Variants in TM6SF1 observed in about 807,000 individuals in gnomAD.
TM6SF1 encodes transmembrane 6 superfamily member 1.
In TM6SF1, 43 loss-of-function variants were observed where a neutral mutation model predicts 47.1. The ratio of observed to expected loss-of-function variants is 0.91; its 90% CI spans 0.72 to 1.18. The LOEUF (loss-of-function observed/expected upper bound fraction) is 1.18, where lower values mean the gene tolerates loss of function less well. TM6SF1 is among the 50% of genes most tolerant of loss of function. TM6SF1 has a pLI of 0.00. For missense variants in TM6SF1, 390 were observed against 449.0 expected, an observed-to-expected ratio of 0.87 and a Z score of 1.19; for synonymous variants, 177 against 166.3, an observed-to-expected ratio of 1.06 and a Z score of -0.49.
chr15:83,125,815 A>T (rs1255928840), intron 7 of TM6SF1, among the ~76,000 whole-genome samples: 1 of 152,214 alleles, frequency 6.6e-6, no homozygotes, highest in Non-Finnish European at 1.5e-5. Flanking sequence ...GGCTGGGTTC[A>T]GGGTGAGAAG....
rs199774325 is a variant in TM6SF1 at position 83,136,710 on chromosome 15, C to T, written c.*38C>T. ...ATGTTCCTCCTTTCTAAATTACTAA[C>T]TTTTGTTATACTGGTACTGATATTT... On this transcript the variant is annotated 3_prime_UTR_variant, in exon 10 of 10. Transcript: ENST00000322019. 78 of 1,534,534 alleles carry T rather than the reference C, an allele frequency of 5.1e-5. No homozygotes were observed. The African/African-American group carries it at 1.0e-3, about 20-fold the overall frequency.
At chr15:83,108,962 G>A in intron 1 of TM6SF1, among the ~76,000 whole-genome samples, 1 of 152,164 alleles carries the variant, frequency 6.6e-6, no homozygotes, top group Non-Finnish European at 1.5e-5. Flanking sequence ...TATAGTGCAT[G>A]GGGGACCCTG....
At chr15:83,130,254 A>C (rs895791390) in intron 9 of TM6SF1, 2 of 152,264 alleles carry the variant, frequency 1.3e-5, no homozygotes, top group Non-Finnish European at 2.9e-5. Flanking sequence ...AGCTTAGAGG[A>C]AAATGGGTGT....
intron 1 of TM6SF1, among the ~76,000 whole-genome samples, chr15:83,111,118 C>T (rs934513978): frequency 6.6e-6 from 1 of 152,136 alleles, no homozygotes; most frequent in Non-Finnish European, 1.5e-5. Context: ...GTGATCCACC[C>T]GCCTCGACCT....
At chr15:83,122,931 C>G in intron 6 of TM6SF1, 53 bp downstream of exon 6, 1 of 1,599,836 alleles carries the variant, frequency 6.3e-7, no homozygotes, top group Non-Finnish European at 8.5e-7. Flanking sequence ...AGGGTTCTTT[C>G]GCATCCACTG....
At chr15:83,125,669 T>C (rs2035677416) in intron 7 of TM6SF1, among the ~76,000 whole-genome samples, 1 of 152,252 alleles carries the variant, frequency 6.6e-6, no homozygotes. Context: ...TTGTTAATTA[T>C]ATTCAGCTTC....
intron 9 of TM6SF1, chr15:83,136,045 A>T (rs1274569148): frequency 6.5e-6 from 1 of 153,582 alleles, no homozygotes; most frequent in Non-Finnish European, 1.4e-5. Context: ...TTTGTTTTTT[A>T]AAACTCTGCG....
chr15:83,110,993 C>A (rs935840779), intron 1 of TM6SF1, among the ~76,000 whole-genome samples: 1 of 152,186 alleles, frequency 6.6e-6, no homozygotes, highest in African/African-American at 2.4e-5. Flanking sequence ...GCCTCAGCCT[C>A]CCAAGTAGCG....
intron 5 of TM6SF1, among the ~76,000 whole-genome samples, chr15:83,122,410 G>GAT (rs886102227): frequency 4.6e-5 from 7 of 152,038 alleles, no homozygotes; most frequent in African/African-American, 1.7e-4. Flanking sequence ...TAGATAGATA[G>GAT]ATAGATATAG....
intron 4 of TM6SF1, among the ~76,000 whole-genome samples, chr15:83,120,657 G>A (rs1368731136): frequency 7.3e-6 from 1 of 137,752 alleles, no homozygotes; most frequent in South Asian, 2.4e-4. Flanking sequence ...TGCAATCTCC[G>A]CCTCCCAGGT....
At chr15:83,123,306 C>T (rs538221064) in intron 6 of TM6SF1, among the ~76,000 whole-genome samples, 2 of 152,266 alleles carry the variant, frequency 1.3e-5, no homozygotes, top group Admixed American at 6.5e-5. Flanking sequence ...GTCTACACAG[C>T]CATACAATCT....
Position 83,136,474 on chromosome 15 carries a change from G to T in TM6SF1, c.922-7G>T, listed in dbSNP as rs1411756113. On this transcript the variant is annotated splice_region_variant and splice_polypyrimidine_tract_variant and intron_variant, in intron 9 of 9. Transcript: ENST00000322019. ...CTTACTCAATTTTTTTTTTTTAAAT[G>T]CAACAGGCTCAGTTTTCTCACATTG... is the stretch of plus-strand genomic sequence containing the variant. 4 of 1,563,026 alleles carry T rather than the reference G, an allele frequency of 2.6e-6. No homozygotes were observed. The highest frequency in any genetic ancestry group is 2.1e-5 in the Admixed American group (1 of 47,100).
At chr15:83,111,188 A>G (rs1372093834) in intron 1 of TM6SF1, among the ~76,000 whole-genome samples, 1 of 152,046 alleles carries the variant, frequency 6.6e-6, no homozygotes, top group Non-Finnish European at 1.5e-5. Context: ...TTATCATAGA[A>G]TTGATCCATC....
intron 4 of TM6SF1, among the ~76,000 whole-genome samples, chr15:83,121,606 A>G (rs1213638061): frequency 6.6e-6 from 1 of 152,118 alleles, no homozygotes; most frequent in Non-Finnish European, 1.5e-5. Context: ...TTTTCCTTTC[A>G]TGCTGTTGAG....
In TM6SF1 at chr15:83,119,575, T is replaced by C; in HGVS notation, c.295-3T>C. ...GTGGACTTCTTTTTAATGCTTTCTT[T>C]AGGGTGAACCGTATCTGAACACCGC... On this transcript the variant is annotated splice_polypyrimidine_tract_variant and splice_region_variant and intron_variant, in intron 3 of 9. Coordinates refer to ENST00000322019, the MANE Select transcript of TM6SF1 (RefSeq NM_023003.5). 1.2e-6 allele frequency: 2 copies of C among 1,613,988 alleles called. No individual in the cohort carries two copies. Among genetic ancestry groups the C allele is most frequent in the Non-Finnish European group, 1.7e-6 (2 of 1,179,916 alleles).
intron 2 of TM6SF1, chr15:83,115,604 C>T (rs931760908): frequency 1.5e-6 from 1 of 648,838 alleles, no homozygotes; most frequent in Admixed American, 2.1e-5. Context: ...CCATCATTCT[C>T]CACTCCTGTG....
intron 2 of TM6SF1, chr15:83,113,411 T>C (rs1783041153): frequency 6.5e-6 from 1 of 154,896 alleles, no homozygotes; most frequent in African/African-American, 2.4e-5. Context: ...CACTTGAAAG[T>C]GAAGCAGCTG....
At chr15:83,120,997 G>T (rs1190067853) in intron 4 of TM6SF1, among the ~76,000 whole-genome samples, 1 of 152,150 alleles carries the variant, frequency 6.6e-6, no homozygotes, top group Non-Finnish European at 1.5e-5. Flanking sequence ...TCCCTTCAGA[G>T]AATTTCCTTT....
At chr15:83,123,955 A>G (rs1333385459) in intron 6 of TM6SF1, among the ~76,000 whole-genome samples, 1 of 145,060 alleles carries the variant, frequency 6.9e-6, no homozygotes, top group Non-Finnish European at 1.5e-5. Flanking sequence ...ATCAACCTTA[A>G]TAATTCTGGA....
Sources: gnomAD v4.1 joint callset for allele counts (sites outside exome capture counted in the v4.1 genomes callset) on GRCh38, gnomAD v4.1.1 for gene constraint, MANE v1.5 for transcripts, NCBI Gene and HGNC (gene_info 2026-07-23, HGNC 2026-07-21) for gene names.